SLC6A15: variants seen among roughly 807,000 people sequenced by gnomAD.
The protein encoded by SLC6A15 is sodium-dependent neutral amino acid transporter B(0)AT2.
SLC6A15 carries 33 observed loss-of-function variants against 68.5 expected under a neutral mutation model. That is an observed-to-expected ratio of 0.48 (90% CI 0.37 to 0.64). The LOEUF (loss-of-function observed/expected upper bound fraction) is 0.64, where lower values mean the gene tolerates loss of function less well. SLC6A15 is among the 30% of genes least tolerant of loss of function. The probability of loss-of-function intolerance (pLI) is 0.00; values close to 1 mark genes in which losing one functional copy is unlikely to be tolerated. For missense variants in SLC6A15, 747 were observed against 874.3 expected (o/e 0.85, Z 1.84); for synonymous variants, 347 against 301.0 (o/e 1.15, Z -1.58).
intron 9 of SLC6A15, among the ~76,000 whole-genome samples, chr12:84,869,617 C>T (rs1871206286): frequency 6.6e-6 from 1 of 151,950 alleles, no homozygotes; most frequent in Non-Finnish European, 1.5e-5. Flanking sequence ...TTATTGTTGC[C>T]TTTATCTTCA....
Position 84,873,572 on chromosome 12 carries a change from G to C in SLC6A15, c.868-244C>G, listed in dbSNP as rs572603849. On this transcript the variant is annotated intron_variant, in intron 6 of 11. Coordinates refer to ENST00000266682, the MANE Select transcript of SLC6A15 (RefSeq NM_182767.6). ...GTACATGGGGATTTTCTACTTACATGGTGGTTTTTAAATATTTTAAGAATA... is the reference window on the plus strand; with the variant it reads ...GTACATGGGGATTTTCTACTTACATCGTGGTTTTTAAATATTTTAAGAATA... 3.9e-5 allele frequency among the ~76,000 whole-genome samples: 6 copies of C among 152,174 alleles called. No homozygotes were observed. The South Asian group carries it at 1.2e-3, about 32-fold the overall frequency.
intron 1 of SLC6A15, among the ~76,000 whole-genome samples, chr12:84,904,224 G>GGGGAGA (rs1555183253): frequency 1.6e-5 from 2 of 121,996 alleles, no homozygotes; most frequent in Non-Finnish European, 3.2e-5. Flanking sequence ...GGGCGGAGGG[G>GGGGAGA]GAGAGAGAGA....
At chr12:84,885,030 A>C (rs939773223) in intron 4 of SLC6A15, among the ~76,000 whole-genome samples, 4 of 151,896 alleles carry the variant, frequency 2.6e-5, no homozygotes, top group African/African-American at 9.7e-5. Context: ...GATTTAAAAA[A>C]ATGATGGGAA....
chr12:84,897,277 T>C (rs1322032058), intron 1 of SLC6A15, among the ~76,000 whole-genome samples: 1 of 151,766 alleles, frequency 6.6e-6, no homozygotes, highest in Non-Finnish European at 1.5e-5. Context: ...AAACTATATC[T>C]GAGGCATGGA....
At chr12:84,906,530 A>G (rs1194919661) in intron 1 of SLC6A15, among the ~76,000 whole-genome samples, 1 of 152,202 alleles carries the variant, frequency 6.6e-6, no homozygotes, top group Non-Finnish European at 1.5e-5. Flanking sequence ...GAATTTTGTG[A>G]CTTATTATAT....
At chr12:84,870,230 A>G (rs1179398512) in intron 9 of SLC6A15, among the ~76,000 whole-genome samples, 1 of 150,630 alleles carries the variant, frequency 6.6e-6, no homozygotes, top group Non-Finnish European at 1.5e-5. Context: ...AATTATAACA[A>G]TAAATATTTA....
At chr12:84,870,344 T>C (rs927550066) in intron 9 of SLC6A15, 134 bp downstream of exon 9, 15 of 382,622 alleles carry the variant, frequency 3.9e-5, no homozygotes, top group African/African-American at 2.9e-4. Flanking sequence ...ATACAATGTA[T>C]ACAATAATAA....
chr12:84,863,705 C>T (rs1164388226), intron 10 of SLC6A15, 104 bp from the exon 11 acceptor site: 4 of 792,846 alleles, frequency 5.0e-6, no homozygotes, highest in Non-Finnish European at 7.3e-6. Flanking sequence ...CATTGATACC[C>T]TATGACATTT....
intron 1 of SLC6A15, among the ~76,000 whole-genome samples, chr12:84,894,675 A>G (rs947997352): frequency 2.0e-5 from 3 of 152,166 alleles, no homozygotes; most frequent in Non-Finnish European, 4.4e-5. Context: ...TCAAAATAAA[A>G]GGTAATACCT....
At chr12:84,878,697 C>T (rs1871673748) in intron 5 of SLC6A15, among the ~76,000 whole-genome samples, 1 of 151,944 alleles carries the variant, frequency 6.6e-6, no homozygotes, top group Non-Finnish European at 1.5e-5. Context: ...TAATTAGGTA[C>T]TAAGAAAAGA....
chr12:84,903,038 T>A (rs1236296370), intron 1 of SLC6A15, among the ~76,000 whole-genome samples: 1 of 152,130 alleles, frequency 6.6e-6, no homozygotes, highest in African/African-American at 2.4e-5. Flanking sequence ...TAGTACCGTA[T>A]CTGACATAAG....
chr12:84,883,787 A>C (rs1488740866), intron 5 of SLC6A15, 72 bp downstream of exon 5: 1 of 1,613,800 alleles, frequency 6.2e-7, no homozygotes, highest in South Asian at 1.1e-5. Flanking sequence ...AGAAATCTGT[A>C]ACAGAATTTG....
rs1873178184 is a variant in SLC6A15 at position 84,906,769 on chromosome 12, T to C, written c.-189+5754A>G. Among the ~76,000 whole-genome samples, 3 of 152,132 alleles carry C rather than the reference T, an allele frequency of 2.0e-5. No homozygotes were observed. The South Asian group carries it at 6.2e-4, about 31-fold the overall frequency. On this transcript the variant is annotated intron_variant, in intron 1 of 11. Transcript: ENST00000266682. Reference sequence around the variant, plus strand: ...CCCTGAACCTAAATCTCATATCTTATACAAAAATTAATTCAAAATGAATTA... The same window carrying C: ...CCCTGAACCTAAATCTCATATCTTACACAAAAATTAATTCAAAATGAATTA...
At chr12:84,899,672 C>A (rs1258704351) in intron 1 of SLC6A15, among the ~76,000 whole-genome samples, 1 of 152,148 alleles carries the variant, frequency 6.6e-6, no homozygotes, top group Non-Finnish European at 1.5e-5. Flanking sequence ...GAATCAAAAA[C>A]TACTGCTATA....
intron 2 of SLC6A15, among the ~76,000 whole-genome samples, chr12:84,889,361 G>A (rs886282290): frequency 3.3e-5 from 5 of 151,870 alleles, no homozygotes; most frequent in African/African-American, 1.2e-4. Context: ...GCGGTGGCGG[G>A]CGCCTGCAGT....
chr12:84,894,579 C>T (rs920228514), intron 1 of SLC6A15, among the ~76,000 whole-genome samples: 5 of 151,970 alleles, frequency 3.3e-5, no homozygotes, highest in African/African-American at 1.2e-4. Flanking sequence ...TAGTGTGAAC[C>T]ATGAATCTCC....
rs3782369 is a variant in SLC6A15, at chr12:84,863,448, A to C, written c.1809T>G (p.Ile603Met). 1.9e-4 allele frequency: 296 copies of C among 1,564,866 alleles called. 2 individuals carry two copies. The East Asian group carries it at 4.6e-3, about 24-fold the overall frequency. The part of the protein sequence containing the change: ...GLSPPGYNAW[I>M]EDKASEEFLS... ...CTTATTTTGTATTTACCTTATCTTC[A>C]ATCCATGCGTTATAGCCAGGAGGAC... Residue 603 changes from isoleucine (I) to methionine (M), a missense_variant, in exon 11 of 12, where the codon ATT becomes ATG. Coordinates refer to ENST00000266682, the MANE Select transcript of SLC6A15 (RefSeq NM_182767.6).
chr12:84,894,702 G>GT (rs766660416), intron 1 of SLC6A15, among the ~76,000 whole-genome samples: 1 of 152,016 alleles, frequency 6.6e-6, no homozygotes, highest in East Asian at 1.9e-4. Flanking sequence ...ACTACTGCAT[G>GT]TTTTTTACAC....
At position 84,860,995 on chromosome 12, in the gene SLC6A15, A is replaced by G. The variant is rs185554849; in HGVS notation, c.*637T>C. 139 of 152,270 alleles carry G rather than the reference A, an allele frequency of 9.1e-4. No homozygotes were observed. The highest frequency in any genetic ancestry group is 3.2e-3 in the African/African-American group (131 of 41,578). 9.4% of individuals were successfully genotyped at this position (152,270 alleles called of 1,614,324 possible). A position where few individuals can be genotyped will look rare whatever the true frequency, so the allele number is the denominator to read the frequency against. ...TATATTTTACACAAAATATACAGCCATCACTCACATGATTCTCAGTCACCT... is the reference window on the plus strand; with the variant it reads ...TATATTTTACACAAAATATACAGCCGTCACTCACATGATTCTCAGTCACCT... On this transcript the variant is annotated 3_prime_UTR_variant, in exon 12 of 12. Coordinates refer to ENST00000266682, the MANE Select transcript of SLC6A15 (RefSeq NM_182767.6).
Sources: allele counts gnomAD v4.1 joint callset (sites outside exome capture counted in the v4.1 genomes callset), GRCh38; gene constraint gnomAD v4.1.1; transcripts MANE v1.5; gene names NCBI Gene and HGNC (gene_info 2026-07-23, HGNC 2026-07-21).